The following PRKN variants were observed in gnomAD, a reference collection of about 807,000 sequenced individuals.
PRKN encodes parkin RBR E3 ubiquitin protein ligase.
Under a neutral mutation model 59.5 loss-of-function variants are expected in PRKN, and 56 were observed. That is an observed-to-expected ratio of 0.94 (90% CI 0.76 to 1.18). PRKN has a LOEUF of 1.18. Among genes scored for constraint, PRKN ranks in the 50% most tolerant of loss-of-function variants. The pLI, the probability that PRKN is intolerant of heterozygous loss-of-function variation, is 0.00. For missense variants in PRKN, 657 were observed against 596.4 expected (o/e 1.10, Z -1.06); for synonymous variants, 250 against 222.1 (o/e 1.13, Z -1.12).
Position 161,432,903 on chromosome 6 carries a change from G to C in PRKN, c.1084-46026C>G, listed in dbSNP as rs78380863. ...TGTATTAAATGAAGGGTTTCTAAAT[G>C]CACAAAATAAAAGGTACAATTAATA... On this transcript the variant is annotated intron_variant, in intron 9 of 11. Transcript: ENST00000366898. 7.1e-3 allele frequency among the ~76,000 whole-genome samples: 1,083 copies of C among 152,108 alleles called. 16 individuals carry two copies. Among genetic ancestry groups the C allele is most frequent in the African/African-American group, 0.024 (1,000 of 41,472 alleles).
chr6:161,932,226 T>G (rs1307911469), intron 6 of PRKN, among the ~76,000 whole-genome samples: 1 of 152,146 alleles, frequency 6.6e-6, no homozygotes. Flanking sequence ...TCGTGTTAAT[T>G]AAAAAGCAAA....
chr6:161,868,696 A>G (rs772010639), intron 6 of PRKN, among the ~76,000 whole-genome samples: 8 of 152,232 alleles, frequency 5.3e-5, no homozygotes, highest in Non-Finnish European at 7.3e-5. Flanking sequence ...TTTGTAGCAT[A>G]TCATCACTAA....
chr6:161,754,725 C>T (rs148266977), intron 7 of PRKN, among the ~76,000 whole-genome samples: 8 of 152,288 alleles, frequency 5.3e-5, no homozygotes, highest in Admixed American at 1.3e-4. Context: ...ATTGTGTAAA[C>T]GAATATTCAA....
At position 161,635,994 on chromosome 6, in the gene PRKN, T is replaced by TGTCCTCAACCCTGACACCCTGC. The variant is rs548625579; in HGVS notation, c.872-66600_872-66579dup. ...TTCATCCACACATGCCCCAGGGCTGTGTCCTCAACCCTGACACCCTGCAAC... is the reference window on the plus strand; with the variant it reads ...TTCATCCACACATGCCCCAGGGCTGTGTCCTCAACCCTGACACCCTGCGTCCTCAACCCTGACACCCTGCAAC... On this transcript the variant is annotated intron_variant, in intron 7 of 11. Coordinates refer to ENST00000366898, the MANE Select transcript of PRKN (RefSeq NM_004562.3). Among the ~76,000 whole-genome samples the TGTCCTCAACCCTGACACCCTGC allele has an allele frequency of 7.2e-5, 11 of 152,304 alleles. No homozygotes were observed. In the South Asian group the frequency reaches 2.3e-3, roughly 32 times the overall value.
chr6:162,332,509 A>G (rs933399489), intron 2 of PRKN, among the ~76,000 whole-genome samples: 8 of 152,168 alleles, frequency 5.3e-5, no homozygotes, highest in African/African-American at 1.7e-4. Context: ...TTGGTAAATT[A>G]TCGTATCAGT....
Position 162,072,868 on chromosome 6 carries a change from G to A in PRKN, c.535-18694C>T, listed in dbSNP as rs374627529. 1.7e-3 allele frequency among the ~76,000 whole-genome samples: 261 copies of A among 152,256 alleles called. 2 individuals are homozygous for A. The highest frequency in any genetic ancestry group is 6.1e-3 in the African/African-American group (252 of 41,548). ...TAAAGTAGTTAGCAAAATACCACAC[G>A]CATAGTGAATATTCGATAAACGTTA... On this transcript the variant is annotated intron_variant, in intron 4 of 11. Transcript: ENST00000366898.
intron 4 of PRKN, among the ~76,000 whole-genome samples, chr6:162,165,887 A>G (rs1032236396): frequency 4.0e-5 from 6 of 151,728 alleles, no homozygotes; most frequent in Non-Finnish European, 5.9e-5. Flanking sequence ...CTTCTCTACT[A>G]AAATACAAAA....
intron 1 of PRKN, among the ~76,000 whole-genome samples, chr6:162,478,599 A>G (rs143680360): frequency 6.6e-6 from 1 of 152,310 alleles, no homozygotes; most frequent in Non-Finnish European, 1.5e-5. Context: ...AGATAAGTAC[A>G]GTCATGGGTC....
At chr6:162,558,130 T>A (rs1473034575) in intron 1 of PRKN, among the ~76,000 whole-genome samples, 1 of 152,044 alleles carries the variant, frequency 6.6e-6, no homozygotes, top group Non-Finnish European at 1.5e-5. Context: ...AAGGTTTTAT[T>A]TGGTGATTTG....
At chr6:161,970,973 A>C (rs1780784353) in intron 6 of PRKN, among the ~76,000 whole-genome samples, 1 of 152,206 alleles carries the variant, frequency 6.6e-6, no homozygotes, top group African/African-American at 2.4e-5. Context: ...TTACACGTGG[A>C]TCCCTCGAAG....
chr6:161,939,418 CAA>C (rs34604240), intron 6 of PRKN, among the ~76,000 whole-genome samples: 8 of 39,586 alleles, frequency 2.0e-4, no homozygotes, highest in South Asian at 1.2e-3. Context: ...GACTCTGTCT[CAA>C]AAAAAAAAAA....
chr6:162,107,857 A>G (rs1440413952), intron 4 of PRKN, among the ~76,000 whole-genome samples: 1 of 152,186 alleles, frequency 6.6e-6, no homozygotes, highest in Non-Finnish European at 1.5e-5. Flanking sequence ...AGTTTGTCAA[A>G]AAACACCAGT....
At chr6:162,007,728 G>A (rs1241712109) in intron 5 of PRKN, among the ~76,000 whole-genome samples, 2 of 151,954 alleles carry the variant, frequency 1.3e-5, no homozygotes, top group South Asian at 2.1e-4. Flanking sequence ...TAAGGAAAAC[G>A]GCTTAGCATC....
chr6:161,741,105 A>G (rs899031368), intron 7 of PRKN, among the ~76,000 whole-genome samples: 10 of 152,348 alleles, frequency 6.6e-5, no homozygotes, highest in South Asian at 2.1e-4. Context: ...AATTCAGCCT[A>G]TTCTCCTGGG....
intron 6 of PRKN, among the ~76,000 whole-genome samples, chr6:161,829,260 C>T (rs1035977640): frequency 1.3e-5 from 2 of 152,004 alleles, no homozygotes; most frequent in Non-Finnish European, 2.9e-5. Flanking sequence ...ACAAAAAAAA[C>T]AATAACAGCA....
chr6:162,462,415 A>G (rs1189400044), intron 1 of PRKN, among the ~76,000 whole-genome samples: 2 of 152,182 alleles, frequency 1.3e-5, no homozygotes, highest in Admixed American at 1.3e-4. Flanking sequence ...CTTGAGTTCA[A>G]CCATGTAAAT....
At chr6:162,504,405 G>A (rs1174165685) in intron 1 of PRKN, among the ~76,000 whole-genome samples, 1 of 152,134 alleles carries the variant, frequency 6.6e-6, no homozygotes, top group Non-Finnish European at 1.5e-5. Context: ...GCTCTGGGAG[G>A]ATAAAAACAC....
rs372878680 is a variant in PRKN at position 162,658,622 on chromosome 6, T to C, written c.7+69040A>G. On this transcript the variant is annotated intron_variant, in intron 1 of 11. Transcript: ENST00000366898. ...GTTGCAGTGAGCCGAGACAGTGCCA[T>C]TGCACTACAGCCTGGGCGACAGAGT... Among the ~76,000 whole-genome samples the C allele has an allele frequency of 1.1e-3, 143 of 133,770 alleles. 1 individual carries two copies. Among genetic ancestry groups the C allele is most frequent in the Middle Eastern group, 4.6e-3 (1 of 216 alleles). 87.8% of individuals were successfully genotyped at this position (133,770 alleles called of 152,430 possible).
At chr6:161,760,267 T>C (rs929717518) in intron 7 of PRKN, among the ~76,000 whole-genome samples, 1 of 148,344 alleles carries the variant, frequency 6.7e-6, no homozygotes, top group Non-Finnish European at 1.5e-5. Flanking sequence ...ATCAATTTTC[T>C]AACTGCCCAC....
Sources: gnomAD v4.1 joint callset for allele counts (sites outside exome capture counted in the v4.1 genomes callset) on GRCh38, gnomAD v4.1.1 for gene constraint, MANE v1.5 for transcripts, NCBI Gene and HGNC (gene_info 2026-07-23, HGNC 2026-07-21) for gene names.